Variants in KCNS3 observed in about 807,000 individuals in gnomAD.
KCNS3 encodes delayed-rectifier potassium channel regulatory subunit KCNS3.
Under a neutral mutation model 31.0 loss-of-function variants are expected in KCNS3, and 13 were observed. That is an observed-to-expected ratio of 0.42 (90% confidence interval 0.27 to 0.67). KCNS3 has a LOEUF of 0.67. Among genes scored for constraint, KCNS3 ranks in the 30% least tolerant of loss-of-function variants. The probability of loss-of-function intolerance (pLI) is 0.25; values close to 1 mark genes in which losing one functional copy is unlikely to be tolerated. For synonymous variants in KCNS3, 238 were observed against 241.5 expected (o/e 0.99, Z 0.13); for missense variants, 545 against 622.4 (o/e 0.88, Z 1.32).
At chr2:17,879,335 C>T (rs1293147360) in intron 1 of KCNS3, 2 of 152,392 alleles carry the variant, frequency 1.3e-5, no homozygotes, top group Admixed American at 1.3e-4. Flanking sequence ...TGTCATTCCT[C>T]CCCTCCCCTT....
intron 1 of KCNS3, among the ~76,000 whole-genome samples, chr2:17,889,337 T>G (rs1474559340): frequency 6.6e-6 from 1 of 152,160 alleles, no homozygotes; most frequent in Non-Finnish European, 1.5e-5. Context: ...GAGGAGTCCT[T>G]AGAATTTTCA....
chr2:17,929,176 T>C (rs746558311), intron 2 of KCNS3, among the ~76,000 whole-genome samples: 9 of 152,338 alleles, frequency 5.9e-5, no homozygotes, highest in Admixed American at 6.5e-5. Context: ...TCGATGCCTC[T>C]GGTGGGAATG....
At chr2:17,892,059 T>G (rs896883951) in intron 1 of KCNS3, among the ~76,000 whole-genome samples, 4 of 152,160 alleles carry the variant, frequency 2.6e-5, no homozygotes, top group African/African-American at 9.7e-5. Flanking sequence ...TCAGGAACAT[T>G]AATTATTCTT....
chr2:17,925,294 A>C (rs1414749830), intron 2 of KCNS3, among the ~76,000 whole-genome samples: 1 of 152,200 alleles, frequency 6.6e-6, no homozygotes, highest in African/African-American at 2.4e-5. Context: ...CTGATAGTGC[A>C]GTCTCTTTAA....
chr2:17,930,190 A>G lies in KCNS3; in HGVS notation c.-59-760A>G, dbSNP rs113549162. Among the ~76,000 whole-genome samples, 127 of 152,230 alleles carry G rather than the reference A, an allele frequency of 8.3e-4. 2 individuals are homozygous for G. The highest frequency in any genetic ancestry group is 2.9e-3 in the African/African-American group (122 of 41,532). ...TCTGTGATGGGAAGGAGGAGGTGGGAGTGGAGCGGGTTTGTGTCAGGAAAC... is the reference window on the plus strand; with the variant it reads ...TCTGTGATGGGAAGGAGGAGGTGGGGGTGGAGCGGGTTTGTGTCAGGAAAC... On this transcript the variant is annotated intron_variant, in intron 2 of 2. Transcript: ENST00000304101.
intron 1 of KCNS3, among the ~76,000 whole-genome samples, chr2:17,893,400 C>A (rs1431283949): frequency 1.3e-5 from 2 of 152,230 alleles, no homozygotes; most frequent in Admixed American, 6.5e-5. Flanking sequence ...GTCTGCATGC[C>A]GGATTAGGAT....
intron 1 of KCNS3, among the ~76,000 whole-genome samples, chr2:17,898,852 A>G (rs927553063): frequency 1.3e-5 from 2 of 152,182 alleles, no homozygotes; most frequent in African/African-American, 2.4e-5. Context: ...ATTAGCATCA[A>G]ATAGGTGGCA....
intron 1 of KCNS3, among the ~76,000 whole-genome samples, chr2:17,896,536 C>CG (rs1662032095): frequency 2.1e-5 from 3 of 143,854 alleles, no homozygotes; most frequent in African/African-American, 7.6e-5. Context: ...TCCTTAGACT[C>CG]TTTTTTTTTT....
intron 1 of KCNS3, among the ~76,000 whole-genome samples, chr2:17,892,087 A>G (rs1412337323): frequency 6.6e-6 from 1 of 152,154 alleles, no homozygotes; most frequent in Non-Finnish European, 1.5e-5. Flanking sequence ...GTCATGTAAC[A>G]TAATCCCATA....
At chr2:17,911,126 C>T (rs1662462673) in intron 1 of KCNS3, among the ~76,000 whole-genome samples, 1 of 152,222 alleles carries the variant, frequency 6.6e-6, no homozygotes, top group South Asian at 2.1e-4. Flanking sequence ...TCTCGAGGGA[C>T]TCTACCTCTT....
chr2:17,929,651 T>A (rs1043604735), intron 2 of KCNS3, among the ~76,000 whole-genome samples: 65 of 152,180 alleles, frequency 4.3e-4, no homozygotes, highest in African/African-American at 1.5e-3. Context: ...CTATGAAGCT[T>A]CTCCAGGTAA....
At chr2:17,897,121 C>G (rs1662047629) in intron 1 of KCNS3, among the ~76,000 whole-genome samples, 1 of 152,100 alleles carries the variant, frequency 6.6e-6, no homozygotes, top group African/African-American at 2.4e-5. Context: ...TTAGCTCCCA[C>G]TCACATAAGT....
At chr2:17,910,579 A>G (rs745994944) in intron 1 of KCNS3, among the ~76,000 whole-genome samples, 12 of 150,930 alleles carry the variant, frequency 8.0e-5, no homozygotes, top group Non-Finnish European at 1.3e-4. Context: ...ACTGCTTGCC[A>G]TTTCAGATCA....
At chr2:17,885,998 C>G (rs187435018) in intron 1 of KCNS3, among the ~76,000 whole-genome samples, 9 of 152,108 alleles carry the variant, frequency 5.9e-5, no homozygotes. Flanking sequence ...GGCCATAGAG[C>G]CTGGGCAACA....
chr2:17,929,444 T>C (rs2045720), intron 2 of KCNS3, among the ~76,000 whole-genome samples: 104,314 of 151,990 alleles, frequency 0.69, 36,435 homozygotes, highest in East Asian at 0.98. Context: ...CCAGATCTCA[T>C]GAGAACTCTG....
chr2:17,880,525 A>G (rs745447842), intron 1 of KCNS3, among the ~76,000 whole-genome samples: 2 of 152,220 alleles, frequency 1.3e-5, no homozygotes, highest in Admixed American at 6.5e-5. Flanking sequence ...GGTGCCATAG[A>G]ACTCTGAATC....
At chr2:17,887,337 G>T (rs1661688272) in intron 1 of KCNS3, among the ~76,000 whole-genome samples, 1 of 151,906 alleles carries the variant, frequency 6.6e-6, no homozygotes, top group Non-Finnish European at 1.5e-5. Flanking sequence ...TCATAGCTTA[G>T]CTCCCACATA....
rs988120555 is a variant in KCNS3 at position 17,879,779 on chromosome 2, T to C, written c.-252+973T>C. On this transcript the variant is annotated intron_variant, in intron 1 of 2. Transcript: ENST00000304101. ...TGTCTGGGGAGACCGAGCCGAAAGC[T>C]TCACTCGGGTGGCCCGCAGCAGGGG... 2.0e-5 allele frequency among the ~76,000 whole-genome samples: 3 copies of C among 152,216 alleles called. No individual in the cohort carries two copies. In the South Asian group the frequency reaches 6.2e-4, roughly 32 times the overall value.
chr2:17,911,751 G>A (rs1223197799), intron 1 of KCNS3, among the ~76,000 whole-genome samples: 2 of 152,194 alleles, frequency 1.3e-5, no homozygotes, highest in South Asian at 2.1e-4. Flanking sequence ...TTTACATGCA[G>A]TAGAGCTGTA....
Sources: allele counts gnomAD v4.1 joint callset (sites outside exome capture counted in the v4.1 genomes callset), GRCh38; gene constraint gnomAD v4.1.1; transcripts MANE v1.5; gene names NCBI Gene and HGNC (gene_info 2026-07-23, HGNC 2026-07-21).